The following HS3ST4 variants were observed in gnomAD, a reference collection of about 807,000 sequenced individuals.
HS3ST4 encodes the protein heparan sulfate-glucosamine 3-sulfotransferase 4, also known as heparan sulfate glucosamine 3-O-sulfotransferase 4.
Under a neutral mutation model 29.2 loss-of-function variants are expected in HS3ST4, and 17 were observed. The observed-to-expected ratio is 0.58, with a 90% CI of 0.40 to 0.87. The LOEUF is 0.87. HS3ST4 is among the 40% of genes least tolerant of loss of function. The pLI is 0.00. For synonymous variants in HS3ST4, 314 were observed against 285.7 expected, an observed-to-expected ratio of 1.10 and a Z score of -1.00; for missense variants, 627 against 634.5, an observed-to-expected ratio of 0.99 and a Z score of 0.13.
chr16:26,022,391 A>G (rs976634113), intron 1 of HS3ST4, among the ~76,000 whole-genome samples: 1 of 152,228 alleles, frequency 6.6e-6, no homozygotes, highest in African/African-American at 2.4e-5. Flanking sequence ...ATCTGCAATT[A>G]CATAGTGGAC....
chr16:26,129,226 A>C (rs1051158349), intron 1 of HS3ST4, among the ~76,000 whole-genome samples: 4 of 152,224 alleles, frequency 2.6e-5, no homozygotes, highest in Non-Finnish European at 5.9e-5. Context: ...TGTAACTCCC[A>C]GTGGCAAGTC....
chr16:25,996,912 C>T (rs1251066058), intron 1 of HS3ST4, among the ~76,000 whole-genome samples: 1 of 152,082 alleles, frequency 6.6e-6, no homozygotes, highest in Non-Finnish European at 1.5e-5. Context: ...TTGGTTGGTA[C>T]TGTTAACACA....
chr16:25,993,949 C>CGTGTGTGTGTGTGTGTGTGT (rs56226178), intron 1 of HS3ST4, among the ~76,000 whole-genome samples: 2 of 121,248 alleles, frequency 1.6e-5, no homozygotes, highest in Admixed American at 8.3e-5. Flanking sequence ...CACATAACCT[C>CGTGTGTGTGTGTGTGTGTGT]GTGTGTGTGT....
At chr16:25,918,668 C>T (rs1401103060) in intron 1 of HS3ST4, among the ~76,000 whole-genome samples, 1 of 152,182 alleles carries the variant, frequency 6.6e-6, no homozygotes, top group Non-Finnish European at 1.5e-5. Context: ...AGGAATAAAG[C>T]GCCAGCCAGT....
intron 1 of HS3ST4, among the ~76,000 whole-genome samples, chr16:25,889,291 G>GTTTGCCTAAT (rs1357961756): frequency 2.0e-5 from 3 of 152,138 alleles, no homozygotes; most frequent in Admixed American, 1.3e-4. Flanking sequence ...TGAGCTCATC[G>GTTTGCCTAAT]TTTGCCTAAT....
chr16:26,117,481 GCTTTGCCTTCC>G (rs1370824911), intron 1 of HS3ST4, among the ~76,000 whole-genome samples: 2 of 152,192 alleles, frequency 1.3e-5, no homozygotes, highest in Non-Finnish European at 2.9e-5. Flanking sequence ...GTCTTCCTCT[GCTTTGCCTTCC>G]CAGAGACTGG....
chr16:25,786,759 C>T (rs937903452), intron 1 of HS3ST4, among the ~76,000 whole-genome samples: 1 of 152,144 alleles, frequency 6.6e-6, no homozygotes, highest in Non-Finnish European at 1.5e-5. Flanking sequence ...ATTAATTTTT[C>T]CCTTTCTTTA....
intron 1 of HS3ST4, among the ~76,000 whole-genome samples, chr16:25,696,552 G>T (rs555881552): frequency 1.3e-3 from 197 of 151,864 alleles, no homozygotes; most frequent in African/African-American, 4.6e-3. Flanking sequence ...AGGCTGGAGT[G>T]CAGTGGCGCA....
chr16:25,765,759 T>C (rs2141608620), intron 1 of HS3ST4, among the ~76,000 whole-genome samples: 1 of 152,282 alleles, frequency 6.6e-6, no homozygotes, highest in African/African-American at 2.4e-5. Flanking sequence ...ATGTAATTGT[T>C]GGCCAACCTG....
At chr16:26,041,923 C>CT (rs1185186773) in intron 1 of HS3ST4, among the ~76,000 whole-genome samples, 1 of 152,178 alleles carries the variant, frequency 6.6e-6, no homozygotes, top group Non-Finnish European at 1.5e-5. Flanking sequence ...TCGGGAGAGT[C>CT]TGCTTCAGTG....
chr16:26,009,955 T>C (rs1969295574), intron 1 of HS3ST4, among the ~76,000 whole-genome samples: 1 of 152,210 alleles, frequency 6.6e-6, no homozygotes, highest in African/African-American at 2.4e-5. Flanking sequence ...AGCCTAAGTT[T>C]TCCTAGCAAC....
chr16:26,045,008 C>T (rs1898248359), intron 1 of HS3ST4, among the ~76,000 whole-genome samples: 1 of 152,154 alleles, frequency 6.6e-6, no homozygotes, highest in African/African-American at 2.4e-5. Flanking sequence ...TCTGTGCAAC[C>T]ATGATCCTGC....
chr16:26,049,273 T>C (rs1213578176), intron 1 of HS3ST4, among the ~76,000 whole-genome samples: 2 of 151,698 alleles, frequency 1.3e-5, no homozygotes, highest in Non-Finnish European at 2.9e-5. Flanking sequence ...TGGGAAGTGC[T>C]GCCGTGGGTG....
At chr16:26,097,111 A>C (rs1476547234) in intron 1 of HS3ST4, among the ~76,000 whole-genome samples, 2 of 152,252 alleles carry the variant, frequency 1.3e-5, no homozygotes, top group Non-Finnish European at 2.9e-5. Flanking sequence ...AGAACATTCC[A>C]TGCTCATGGA....
At chr16:25,721,051 A>G (rs1966489461) in intron 1 of HS3ST4, among the ~76,000 whole-genome samples, 1 of 152,248 alleles carries the variant, frequency 6.6e-6, no homozygotes, top group Admixed American at 6.5e-5. Context: ...GGCAAGTAAC[A>G]GTGCCTACCA....
intron 1 of HS3ST4, among the ~76,000 whole-genome samples, chr16:26,115,792 G>C (rs550204408): frequency 1.6e-4 from 24 of 152,184 alleles, no homozygotes; most frequent in African/African-American, 5.5e-4. Flanking sequence ...TGAGCACCAA[G>C]ATCATCTGGG....
intron 1 of HS3ST4, among the ~76,000 whole-genome samples, chr16:25,995,903 A>G (rs1969154833): frequency 6.6e-6 from 1 of 151,520 alleles, no homozygotes; most frequent in Admixed American, 6.6e-5. Context: ...TTTCACTTCC[A>G]TTTCCTCCAA....
In HS3ST4 at chr16:25,716,580, C is replaced by T. The variant is rs9935154; in HGVS notation, c.734+23429C>T. On this transcript the variant is annotated intron_variant, in intron 1 of 1. Coordinates refer to ENST00000331351, the MANE Select transcript of HS3ST4 (RefSeq NM_006040.3). ...GAGCCCTTTGGCTAAGACAGGCATA[C>T]ATTTCTTCATTGTTTAAGCCATATC... 1.4e-3 allele frequency among the ~76,000 whole-genome samples: 211 copies of T among 152,352 alleles called. 1 individual carries two copies. Among genetic ancestry groups the T allele is most frequent in the African/African-American group, 4.8e-3 (201 of 41,580 alleles).
chr16:25,844,158 C>T lies in HS3ST4; in HGVS notation c.734+151007C>T, dbSNP rs78652808. 2.7e-4 allele frequency among the ~76,000 whole-genome samples: 41 copies of T among 152,120 alleles called. No individual in the cohort carries two copies. The East Asian group carries it at 6.2e-3, about 23-fold the overall frequency. ...AAATAGAAGTATAAAAACAGAAAAC[C>T]GTGTTGTCCCCTCCCTGGTTCACTA... On this transcript the variant is annotated intron_variant, in intron 1 of 1. Coordinates refer to ENST00000331351, the MANE Select transcript of HS3ST4 (RefSeq NM_006040.3).
Sources: gnomAD v4.1 joint callset for allele counts (sites outside exome capture counted in the v4.1 genomes callset) on GRCh38, gnomAD v4.1.1 for gene constraint, MANE v1.5 for transcripts, NCBI Gene and HGNC (gene_info 2026-07-23, HGNC 2026-07-21) for gene names.